PTPRD: variants seen among roughly 807,000 people sequenced by gnomAD.
PTPRD encodes the protein protein tyrosine phosphatase receptor type D.
A neutral mutation model predicts 214.5 loss-of-function variants in PTPRD; 34 were observed. The ratio of observed to expected loss-of-function variants is 0.16; its 90% CI spans 0.12 to 0.21. The LOEUF (loss-of-function observed/expected upper bound fraction) is 0.21. Among genes scored for constraint, PTPRD ranks in the 10% least tolerant of loss-of-function variants. The pLI is 1.00. For synonymous variants in PTPRD, 1,128 were observed against 845.7 expected, an observed-to-expected ratio of 1.33 and a Z score of -5.79; for missense variants, 2,545 against 2,398.7, an observed-to-expected ratio of 1.06 and a Z score of -1.27.
At chr9:9,154,548 C>T (rs956690649) in intron 10 of PTPRD, among the ~76,000 whole-genome samples, 1 of 152,154 alleles carries the variant, frequency 6.6e-6, no homozygotes, top group Admixed American at 6.5e-5. Context: ...ATTACGACCT[C>T]ATTTAATCCA....
At chr9:9,187,405 A>G (rs1273586037) in intron 9 of PTPRD, among the ~76,000 whole-genome samples, 2 of 152,082 alleles carry the variant, frequency 1.3e-5, no homozygotes, top group Admixed American at 6.6e-5. Context: ...AATTCCAGGA[A>G]AAAATAAGTT....
chr9:10,027,139 C>T (rs568807893), intron 4 of PTPRD, among the ~76,000 whole-genome samples: 1 of 152,102 alleles, frequency 6.6e-6, no homozygotes, highest in African/African-American at 2.4e-5. Flanking sequence ...AAATCTTACA[C>T]TTGGGGGGAA....
intron 8 of PTPRD, among the ~76,000 whole-genome samples, chr9:9,531,585 T>C (rs1283876966): frequency 6.6e-6 from 1 of 152,164 alleles, no homozygotes; most frequent in African/African-American, 2.4e-5. Context: ...TGTTCTAGCA[T>C]GTATCGGTAT....
intron 12 of PTPRD, among the ~76,000 whole-genome samples, chr9:8,714,930 C>A (rs1429272359): frequency 1.3e-5 from 2 of 151,940 alleles, no homozygotes; most frequent in Non-Finnish European, 2.9e-5. Flanking sequence ...TAGAATGCGA[C>A]CTTAATGGTG....
At chr9:10,437,536 C>T (rs567979836) in intron 2 of PTPRD, among the ~76,000 whole-genome samples, 14 of 151,814 alleles carry the variant, frequency 9.2e-5, no homozygotes, top group East Asian at 1.9e-4. Flanking sequence ...TATGTATGAA[C>T]GATGCTTGAT....
At chr9:10,499,368 T>A (rs2043000712) in intron 2 of PTPRD, among the ~76,000 whole-genome samples, 2 of 151,888 alleles carry the variant, frequency 1.3e-5, no homozygotes, top group South Asian at 4.1e-4. Flanking sequence ...AGATTATTAT[T>A]ACTAGGGATA....
intron 4 of PTPRD, among the ~76,000 whole-genome samples, chr9:9,955,659 G>A (rs1233152749): frequency 6.6e-6 from 1 of 151,924 alleles, no homozygotes; most frequent in African/African-American, 2.4e-5. Flanking sequence ...AAGTAGCTGG[G>A]ACTACAGGTG....
chr9:10,591,430 T>C (rs2075416821), intron 2 of PTPRD, among the ~76,000 whole-genome samples: 1 of 151,918 alleles, frequency 6.6e-6, no homozygotes, highest in South Asian at 2.1e-4. Flanking sequence ...GCTTTGAGAG[T>C]TGTTTGCAGG....
intron 10 of PTPRD, among the ~76,000 whole-genome samples, chr9:9,060,520 A>G (rs2099705139): frequency 6.6e-6 from 1 of 152,138 alleles, no homozygotes; most frequent in African/African-American, 2.4e-5. Flanking sequence ...ATTATGTTGT[A>G]GTAATATGAA....
At chr9:9,248,561 A>C (rs961639189) in intron 9 of PTPRD, among the ~76,000 whole-genome samples, 3 of 152,096 alleles carry the variant, frequency 2.0e-5, no homozygotes, top group African/African-American at 7.2e-5. Flanking sequence ...TTAGAGTTTT[A>C]GAGTAATGAT....
intron 8 of PTPRD, among the ~76,000 whole-genome samples, chr9:9,544,340 T>C (rs977100872): frequency 1.3e-5 from 2 of 151,676 alleles, no homozygotes; most frequent in African/African-American, 4.8e-5. Flanking sequence ...GAAAATATCA[T>C]TTAATCAATG....
chr9:8,730,601 C>A (rs112408558), intron 12 of PTPRD, among the ~76,000 whole-genome samples: 2,733 of 152,284 alleles, frequency 0.018, 31 homozygotes, highest in Middle Eastern at 0.037. Context: ...GGTTCTTGGT[C>A]TGCATTTAGT....
intron 11 of PTPRD, among the ~76,000 whole-genome samples, chr9:8,928,073 T>G (rs1340198984): frequency 6.6e-6 from 1 of 152,184 alleles, no homozygotes; most frequent in Non-Finnish European, 1.5e-5. Context: ...TGTAAATTTG[T>G]TAAAATTATT....
At chr9:8,644,942 G>A (rs970519331) in intron 12 of PTPRD, among the ~76,000 whole-genome samples, 2 of 152,200 alleles carry the variant, frequency 1.3e-5, no homozygotes, top group Non-Finnish European at 2.9e-5. Context: ...TTGGATAAAG[G>A]TGCCACTGGC....
chr9:8,351,535 C>T (rs1399047669), intron 39 of PTPRD, among the ~76,000 whole-genome samples: 1 of 151,438 alleles, frequency 6.6e-6, no homozygotes, highest in Non-Finnish European at 1.5e-5. Context: ...GCTCCAAAGA[C>T]ACAGAGAGAA....
chr9:8,769,017 G>GT (rs1171303768), intron 11 of PTPRD, among the ~76,000 whole-genome samples: 2 of 152,132 alleles, frequency 1.3e-5, no homozygotes, highest in African/African-American at 4.8e-5. Flanking sequence ...CAGGGGAGGT[G>GT]TTTAGCCAAA....
chr9:8,801,982 A>G (rs1285981220), intron 11 of PTPRD, among the ~76,000 whole-genome samples: 1 of 152,204 alleles, frequency 6.6e-6, no homozygotes, highest in Non-Finnish European at 1.5e-5. Context: ...TTTACCTCTC[A>G]ATGAGGTAAG....
At chr9:9,058,758 T>C (rs1019471270) in intron 10 of PTPRD, among the ~76,000 whole-genome samples, 1 of 152,090 alleles carries the variant, frequency 6.6e-6, no homozygotes, top group African/African-American at 2.4e-5. Flanking sequence ...CGAGGGTTTT[T>C]TTTTAAGCAA....
rs114541845 is a variant in PTPRD, at chr9:10,077,121, T to C, written c.-544-43331A>G. On this transcript the variant is annotated intron_variant, in intron 3 of 45. Transcript: ENST00000381196. ...CACGTTCATTTTATTTATTTCCCAC[T>C]CCTTATACATAGTGCTTGATAAAAT... Among the ~76,000 whole-genome samples, 662 of 152,274 alleles carry C rather than the reference T, an allele frequency of 4.3e-3. 4 individuals carry two copies. The highest frequency in any genetic ancestry group is 0.015 in the African/African-American group (626 of 41,560).
Sources: allele counts gnomAD v4.1 joint callset (sites outside exome capture counted in the v4.1 genomes callset), GRCh38; gene constraint gnomAD v4.1.1; transcripts MANE v1.5; gene names NCBI Gene and HGNC (gene_info 2026-07-23, HGNC 2026-07-21).